KCNB2: variants seen among roughly 807,000 people sequenced by gnomAD.
The protein encoded by KCNB2 is delayed rectifier potassium channel protein.
Under a neutral mutation model 61.5 loss-of-function variants are expected in KCNB2, and 15 were observed. The observed-to-expected ratio is 0.24, with a 90% confidence interval of 0.16 to 0.38. The LOEUF is 0.38. KCNB2 is among the 10% of genes least tolerant of loss of function. The probability of loss-of-function intolerance (pLI) is 1.00; values close to 1 mark genes in which losing one functional copy is unlikely to be tolerated. For missense variants in KCNB2, 828 were observed against 1,125.2 expected (o/e 0.74, Z 3.78); for synonymous variants, 457 against 446.0 (o/e 1.02, Z -0.31).
chr8:72,700,563 A>G (rs1807103322), intron 2 of KCNB2, among the ~76,000 whole-genome samples: 1 of 152,178 alleles, frequency 6.6e-6, no homozygotes, highest in South Asian at 2.1e-4. Flanking sequence ...GACAAATGTT[A>G]TTGGTCAAAA....
intron 2 of KCNB2, among the ~76,000 whole-genome samples, chr8:72,818,217 C>T (rs1356547387): frequency 6.6e-6 from 1 of 152,064 alleles, no homozygotes; most frequent in Non-Finnish European, 1.5e-5. Flanking sequence ...TGGCCTATCA[C>T]CCTAGTATGT....
intron 2 of KCNB2, among the ~76,000 whole-genome samples, chr8:72,827,246 A>G (rs1266729347): frequency 6.6e-6 from 1 of 152,088 alleles, no homozygotes; most frequent in Non-Finnish European, 1.5e-5. Flanking sequence ...GAAAGGGGAG[A>G]AGTAACTTGG....
chr8:72,597,892 A>C (rs1807224764), intron 2 of KCNB2, among the ~76,000 whole-genome samples: 1 of 152,254 alleles, frequency 6.6e-6, no homozygotes, highest in Admixed American at 6.5e-5. Flanking sequence ...AGTGTAAATT[A>C]GTTCAACCAT....
chr8:72,705,153 A>C (rs139259995), intron 2 of KCNB2, among the ~76,000 whole-genome samples: 1 of 152,134 alleles, frequency 6.6e-6, no homozygotes, highest in Non-Finnish European at 1.5e-5. Context: ...TCCCTTTGAC[A>C]TCTTTTCTCA....
chr8:72,548,711 A>G (rs539858347), intron 1 of KCNB2, among the ~76,000 whole-genome samples: 179 of 152,076 alleles, frequency 1.2e-3, no homozygotes, highest in African/African-American at 3.9e-3. Flanking sequence ...TGACAATACA[A>G]TTTCCTCAAA....
At chr8:72,725,575 G>GTATGTATGTGTA (rs1554587062) in intron 2 of KCNB2, among the ~76,000 whole-genome samples, 1 of 80,490 alleles carries the variant, frequency 1.2e-5, no homozygotes, top group Admixed American at 1.5e-4. Flanking sequence ...GTATATATAT[G>GTATGTATGTGTA]TATATATATA....
intron 2 of KCNB2, among the ~76,000 whole-genome samples, chr8:72,600,606 T>TA (rs201601108): frequency 1.9e-4 from 28 of 145,088 alleles, no homozygotes; most frequent in African/African-American, 5.8e-4. Context: ...TAATAAAATT[T>TA]AAAAAAAAAA....
intron 2 of KCNB2, among the ~76,000 whole-genome samples, chr8:72,901,826 A>C (rs972162295): frequency 6.6e-6 from 1 of 152,146 alleles, no homozygotes; most frequent in Non-Finnish European, 1.5e-5. Flanking sequence ...AATGACCATC[A>C]AATGCAGATA....
Position 72,937,390 on chromosome 8 carries a change from G to A in KCNB2, c.2035G>A (p.Asp679Asn), listed in dbSNP as rs774872332. The A allele has an allele frequency of 1.9e-5, 31 of 1,613,920 alleles. No homozygotes were observed. The highest frequency in any genetic ancestry group is 2.5e-5 in the Non-Finnish European group (29 of 1,180,030). The change falls in exon 3 of 3, where the codon GAT becomes AAT. Residue 679 changes from aspartate (D) to asparagine (N), a missense_variant. Coordinates refer to ENST00000523207, the MANE Select transcript of KCNB2 (RefSeq NM_004770.3). ...YAPVDITVNLDASGSQCGLHS... is the reference protein window; with the variant it reads ...YAPVDITVNLNASGSQCGLHS... ...CCCAGTTGACATAACTGTGAACCTC[G>A]ATGCCAGTGGCTCCCAGTGTGGGCT...
At chr8:72,897,182 C>T (rs1462618543) in intron 2 of KCNB2, among the ~76,000 whole-genome samples, 1 of 152,050 alleles carries the variant, frequency 6.6e-6, no homozygotes, top group Non-Finnish European at 1.5e-5. Context: ...TAATCCCTTA[C>T]ACCTAGAATA....
At chr8:72,820,703 T>C (rs1163760375) in intron 2 of KCNB2, among the ~76,000 whole-genome samples, 1 of 152,212 alleles carries the variant, frequency 6.6e-6, no homozygotes, top group Non-Finnish European at 1.5e-5. Flanking sequence ...AATTTAATAT[T>C]ACTTTCTTTG....
intron 1 of KCNB2, among the ~76,000 whole-genome samples, chr8:72,560,054 T>C (rs983722416): frequency 1.3e-5 from 2 of 152,218 alleles, no homozygotes; most frequent in African/African-American, 4.8e-5. Context: ...CATAGAGACT[T>C]CTCAGTATTT....
In KCNB2 at chr8:72,670,501, TC is replaced by T. The variant is rs1414433742; in HGVS notation, c.579+102190del. 3.3e-5 allele frequency among the ~76,000 whole-genome samples: 5 copies of T among 152,260 alleles called. No individual in the cohort carries two copies. The East Asian group carries it at 9.7e-4, about 29-fold the overall frequency. ...TCTCTTACCCACAGCTCTCTCTTTT[TC>T]CGAACCTCTCCACTCTCACTGCCAT... On this transcript the variant is annotated intron_variant, in intron 2 of 2. Coordinates refer to ENST00000523207, the MANE Select transcript of KCNB2 (RefSeq NM_004770.3).
rs1371556884 is a variant in KCNB2, at chr8:72,561,692, TA to T, written c.-93-5949del. Among the ~76,000 whole-genome samples, 40 of 4,150 alleles carry T rather than the reference TA, an allele frequency of 9.6e-3. 7 individuals carry two copies. The East Asian group carries it at 0.17, about 18-fold the overall frequency. 2.7% of individuals were successfully genotyped at this position (4,150 alleles called of 152,430 possible). A position where few individuals can be genotyped will look rare whatever the true frequency, so the allele number is the denominator to read the frequency against. Reference sequence around the variant, plus strand: ...CTGAAAATTTCCAGGATCTTACTTTTATATATATATATATATATATATATAT... The same window carrying T: ...CTGAAAATTTCCAGGATCTTACTTTTTATATATATATATATATATATATAT... On this transcript the variant is annotated intron_variant, in intron 1 of 2. Coordinates refer to ENST00000523207, the MANE Select transcript of KCNB2 (RefSeq NM_004770.3).
intron 2 of KCNB2, among the ~76,000 whole-genome samples, chr8:72,758,329 G>A (rs2128996245): frequency 6.6e-6 from 1 of 152,298 alleles, no homozygotes; most frequent in Middle Eastern, 3.4e-3. Flanking sequence ...TGGCAGCCTA[G>A]GTGTAGCAGC....
At chr8:72,546,439 C>A (rs1371537135) in intron 1 of KCNB2, among the ~76,000 whole-genome samples, 1 of 151,716 alleles carries the variant, frequency 6.6e-6, no homozygotes, top group Non-Finnish European at 1.5e-5. Flanking sequence ...ATTGCTTGAA[C>A]CTGAGAGGTG....
chr8:72,658,556 A>G (rs574683555), intron 2 of KCNB2, among the ~76,000 whole-genome samples: 2 of 152,354 alleles, frequency 1.3e-5, no homozygotes, highest in East Asian at 3.9e-4. Flanking sequence ...GAAGGTGGCT[A>G]CACTAAACAA....
chr8:72,570,535 A>G (rs927890645), intron 2 of KCNB2, among the ~76,000 whole-genome samples: 7 of 149,552 alleles, frequency 4.7e-5, no homozygotes, highest in African/African-American at 1.7e-4. Context: ...ATAAACCACT[A>G]CCTTTTCCTG....
chr8:72,668,532 C>T (rs1023682731), intron 2 of KCNB2, among the ~76,000 whole-genome samples: 2 of 152,148 alleles, frequency 1.3e-5, no homozygotes, highest in African/African-American at 4.8e-5. Context: ...CTTTACTGCA[C>T]ACTCACCAGC....
Sources: allele counts gnomAD v4.1 joint callset (sites outside exome capture counted in the v4.1 genomes callset), GRCh38; gene constraint gnomAD v4.1.1; transcripts MANE v1.5; gene names NCBI Gene and HGNC (gene_info 2026-07-23, HGNC 2026-07-21).